EP400: variants seen among roughly 807,000 people sequenced by gnomAD.
EP400 encodes E1A binding protein p400.
A neutral mutation model predicts 354.1 loss-of-function variants in EP400; 105 were observed. The observed-to-expected ratio is 0.30, with a 90% CI of 0.25 to 0.35. EP400 has a LOEUF of 0.35. EP400 is among the 10% of genes least tolerant of loss of function. The pLI, the probability that EP400 is intolerant of heterozygous loss-of-function variation, is 1.00. For missense variants in EP400, 3,280 were observed against 4,121.0 expected (o/e 0.80, Z 5.59); for synonymous variants, 1,646 against 1,716.9 (o/e 0.96, Z 1.02).
At chr12:132,059,058 A>G (rs192099977) in intron 45 of EP400, among the ~76,000 whole-genome samples, 4 of 149,880 alleles carry the variant, frequency 2.7e-5, no homozygotes, top group African/African-American at 7.5e-5. Flanking sequence ...GCTTCAAGGA[A>G]TTGACAAGAA....
chr12:132,062,878 C>G (rs1264148539), intron 47 of EP400, among the ~76,000 whole-genome samples, 177 bp downstream of exon 47: 1 of 152,244 alleles, frequency 6.6e-6, no homozygotes, highest in African/African-American at 2.4e-5. Flanking sequence ...CATGTCATAA[C>G]ACTTTGATCA....
Position 132,005,059 on chromosome 12 carries a change from G to A in EP400, c.2828-18G>A, listed in dbSNP as rs147932321. 0.011 allele frequency: 17,812 copies of A among 1,554,308 alleles called. 128 individuals are homozygous for A. The highest frequency in any genetic ancestry group is 0.013 in the Non-Finnish European group (14,989 of 1,145,242). On this transcript the variant is annotated intron_variant, in intron 12 of 52. Transcript: ENST00000389561. The stretch of plus-strand genomic sequence containing the variant: ...GTTGTTATAAAGTAACAGCCCTTCT[G>A]CCCGCAACCCTCTGCAGCTGAGCTG...
Position 131,979,797 on chromosome 12 carries a change from C to T in EP400, c.1435+4C>T, listed in dbSNP as rs367571983. The T allele has an allele frequency of 2.6e-5, 42 of 1,599,690 alleles. No homozygotes were observed. The highest frequency in any genetic ancestry group is 1.6e-4 in the African/African-American group (12 of 74,264). The stretch of plus-strand genomic sequence containing the variant: ...ATGCCCTCCACAGGTATGGCAGGTA[C>T]GTCGGCACGGCTAGCGTGGCCTCGG... On this transcript the variant is annotated splice_donor_region_variant and intron_variant, in intron 3 of 52. Coordinates refer to ENST00000389561, the MANE Select transcript of EP400 (RefSeq NM_015409.5).
rs773054334 is a variant in EP400, at chr12:131,982,120, C to T, written c.1571C>T (p.Ala524Val). 26 of 1,546,514 alleles carry T rather than the reference C, an allele frequency of 1.7e-5. No individual in the cohort carries two copies. The highest frequency in any genetic ancestry group is 3.9e-5 in the Admixed American group (2 of 50,688). The change falls in exon 5 of 53, where the codon GCG (alanine) becomes GTG (valine). Residue 524 changes from alanine to valine, a missense_variant. Physicochemically the swap from Ala to Val is moderately conservative, Grantham distance 64. Coordinates refer to ENST00000389561, the MANE Select transcript of EP400 (RefSeq NM_015409.5). ...QGGMPPTPQA[A>V]QLAGQRQSQQ... Reference sequence around the variant, plus strand: ...GGAATGCCCCCCACGCCGCAGGCCGCGCAGCTCGCTGGACAGAGGCAGAGT... The same window carrying T: ...GGAATGCCCCCCACGCCGCAGGCCGTGCAGCTCGCTGGACAGAGGCAGAGT...
intron 15 of EP400, among the ~76,000 whole-genome samples, chr12:132,008,518 A>C (rs555782740): frequency 6.6e-6 from 1 of 152,144 alleles, no homozygotes; most frequent in East Asian, 1.9e-4. Flanking sequence ...TTGCCTTGCT[A>C]CTTTATTATT....
rs1486278782 is a variant in EP400 at position 132,050,845 on chromosome 12, C to T, written c.7394+190C>T. On this transcript the variant is annotated intron_variant, in intron 41 of 52. Coordinates refer to ENST00000389561, the MANE Select transcript of EP400 (RefSeq NM_015409.5). The surrounding 1 kb of genome is among the most constrained non-coding windows in gnomAD (Gnocchi z 4.8). Reference sequence around the variant, plus strand: ...TGGGCTAGGGTATGCATAGGACGGCCCCTGCCCTGTCTCTGTGTTACAGGG... The same window carrying T: ...TGGGCTAGGGTATGCATAGGACGGCTCCTGCCCTGTCTCTGTGTTACAGGG... 39 of 648,670 alleles carry T rather than the reference C, an allele frequency of 6.0e-5. No individual in the cohort carries two copies. Among genetic ancestry groups the T allele is most frequent in the Non-Finnish European group, 1.9e-5 (7 of 371,744 alleles). 40.2% of individuals were successfully genotyped at this position (648,670 alleles called of 1,614,324 possible).
intron 15 of EP400, among the ~76,000 whole-genome samples, chr12:132,007,379 G>A (rs1792249936): frequency 6.6e-6 from 1 of 152,254 alleles, no homozygotes; most frequent in African/African-American, 2.4e-5. Flanking sequence ...CTTAGGGAAT[G>A]GGCCTGGGTA....
At position 132,050,541 on chromosome 12, in the gene EP400, A is replaced by G. The variant is rs1895254538; in HGVS notation, c.7338-58A>G. Reference sequence around the variant, plus strand: ...CTTGGTTTTGATGTGTTTTTAACATACCCTTCTTCAGATATTTCCTTTATT... The same window carrying G: ...CTTGGTTTTGATGTGTTTTTAACATGCCCTTCTTCAGATATTTCCTTTATT... On this transcript the variant is annotated intron_variant, in intron 40 of 52. Transcript: ENST00000389561. This position sits in a 1 kb window ranked among gnomAD's most constrained non-coding sequence, Gnocchi z 4.8. 6.2e-7 allele frequency: 1 copy of G among 1,613,044 alleles called. No individual in the cohort carries two copies. The highest frequency in any genetic ancestry group is 1.3e-5 in the African/African-American group (1 of 74,854).
intron 32 of EP400, among the ~76,000 whole-genome samples, chr12:132,039,348 G>A (rs138055957): frequency 7.0e-4 from 106 of 152,264 alleles, no homozygotes; most frequent in East Asian, 3.7e-3. Flanking sequence ...GGCCTCAGAC[G>A]GCTTCCATGG....
intron 2 of EP400, among the ~76,000 whole-genome samples, chr12:131,976,380 CG>C (rs1892473151): frequency 6.6e-6 from 1 of 152,116 alleles, no homozygotes; most frequent in African/African-American, 2.4e-5. Context: ...TCTTCTGAAA[CG>C]TATTTATTTT....
At position 131,962,026 on chromosome 12, in the gene EP400, GTAA is replaced by G. The variant is rs1891902166; in HGVS notation, c.1335+77_1335+79del. The G allele has an allele frequency of 1.3e-5, 19 of 1,464,140 alleles. No homozygotes were observed. The South Asian group carries it at 2.6e-4, about 20-fold the overall frequency. The allele number at this position is 1,464,140 out of a possible 1,614,324, so 90.7% of individuals were successfully genotyped here. A position where few individuals can be genotyped will look rare whatever the true frequency, so the allele number is the denominator to read the frequency against. On this transcript the variant is annotated intron_variant, in intron 2 of 52. Transcript: ENST00000389561. ...CAGAGTCTATGCGACAATGAATTAAGTAATAATTTATTGAGCCTGCGGTATTTC... is the reference window on the plus strand; with the variant it reads ...CAGAGTCTATGCGACAATGAATTAAGTAATTTATTGAGCCTGCGGTATTTC...
At chr12:132,076,455 ATC>A (rs1239148511) in intron 51 of EP400, 59 bp from the exon 52 acceptor site, 8 of 1,548,774 alleles carry the variant, frequency 5.2e-6, no homozygotes, top group East Asian at 2.3e-5. Context: ...GGGAGGAAAA[ATC>A]TCTTTTTGTG....
Position 132,066,955 on chromosome 12 carries a change from C to T in EP400, c.8735C>T (p.Pro2912Leu). The T allele has an allele frequency of 6.3e-7, 1 of 1,598,892 alleles. No individual in the cohort carries two copies. Among genetic ancestry groups the T allele is most frequent in the Non-Finnish European group, 8.5e-7 (1 of 1,172,018 alleles). The change falls in exon 49 of 53, where the codon CCA (proline) becomes CTA (leucine). Residue 2912 changes from proline (P) to leucine (L), a missense_variant. This residue lies in a region of EP400 where 279 missense variants were observed against 386.7 expected (regional missense o/e 0.72). Transcript: ENST00000389561. Reference sequence around the variant, plus strand: ...GGGATCAGCGTGGCGATCGGTCAGCCACAGAAGGCAGCAGGTGCCCGCCCC... The same window carrying T: ...GGGATCAGCGTGGCGATCGGTCAGCTACAGAAGGCAGCAGGTGCCCGCCCC... ...VAGISVAIGQ[P>L]QKAAGQTVVA...
At position 132,052,753 on chromosome 12, in the gene EP400, G is replaced by A. The variant is rs989105831; in HGVS notation, c.7395-393G>A. Among the ~76,000 whole-genome samples, 12 of 152,048 alleles carry A rather than the reference G, an allele frequency of 7.9e-5. No individual in the cohort carries two copies. The highest frequency in any genetic ancestry group is 1.3e-4 in the Non-Finnish European group (9 of 68,006). On this transcript the variant is annotated intron_variant, in intron 41 of 52. Coordinates refer to ENST00000389561, the MANE Select transcript of EP400 (RefSeq NM_015409.5). This position sits in a 1 kb window ranked among gnomAD's most constrained non-coding sequence, Gnocchi z 4.4. ...TGGGCATTCTCGGGGGAGCGAGAGAGGCACAGTCCCGCCCTCCCTTTACCT... is the reference window on the plus strand; with the variant it reads ...TGGGCATTCTCGGGGGAGCGAGAGAAGCACAGTCCCGCCCTCCCTTTACCT...
In EP400 at chr12:132,067,892, C is replaced by G. The variant is rs1481964850; in HGVS notation, c.8874+406C>G. 1.3e-5 allele frequency among the ~76,000 whole-genome samples: 2 copies of G among 152,162 alleles called. No individual in the cohort carries two copies. Among genetic ancestry groups the G allele is most frequent in the Non-Finnish European group, 2.9e-5 (2 of 68,028 alleles). On this transcript the variant is annotated intron_variant, in intron 50 of 52. Transcript: ENST00000389561. This position sits in a 1 kb window ranked among gnomAD's most constrained non-coding sequence, Gnocchi z 5.3. Reference sequence around the variant, plus strand: ...CTGGAGGACAGGGATGCCGTACAGTCTGGACCCCAGACAGGGAATGTGGCC... The same window carrying G: ...CTGGAGGACAGGGATGCCGTACAGTGTGGACCCCAGACAGGGAATGTGGCC...
chr12:131,961,858 A>G lies in EP400; in HGVS notation c.1239A>G (p.Pro413=), dbSNP rs761370089. Residue 413 remains proline, a synonymous_variant, in exon 2 of 53, where the codon CCA becomes CCG. Coordinates refer to ENST00000389561, the MANE Select transcript of EP400 (RefSeq NM_015409.5). ...CTTTCAAGAAGAAACATTATGCCCC[A>G]TTACAAGCATATCTTAGGCAGAATG... ...FLAFKKKHYA[P]LQAYLRQNDL... 4.3e-6 allele frequency: 7 copies of G among 1,614,120 alleles called. No individual in the cohort carries two copies. The South Asian group carries it at 5.5e-5, about 13-fold the overall frequency.
At chr12:132,057,211 A>G (rs1288707431) in intron 45 of EP400, among the ~76,000 whole-genome samples, 3 of 152,236 alleles carry the variant, frequency 2.0e-5, no homozygotes, top group Admixed American at 1.3e-4. Flanking sequence ...CCTCAACACC[A>G]ATGTTTATAG....
chr12:131,972,413 A>T (rs534971596), intron 2 of EP400, among the ~76,000 whole-genome samples: 4 of 152,106 alleles, frequency 2.6e-5, no homozygotes, highest in Admixed American at 2.0e-4. Flanking sequence ...TCGGCCTCCC[A>T]AAGTGCTGGG....
chr12:131,995,732 C>A (rs1236141553), intron 12 of EP400, among the ~76,000 whole-genome samples: 1 of 124,648 alleles, frequency 8.0e-6, no homozygotes, highest in Non-Finnish European at 1.7e-5. Flanking sequence ...TGTGTGAGAA[C>A]TTCATGTGAA....
Sources: gnomAD v4.1 joint callset for allele counts (sites outside exome capture counted in the v4.1 genomes callset) on GRCh38, gnomAD v4.1.1 for gene constraint, gnomAD v4.1.1 regional missense constraint, Gnocchi (gnomAD v3.1) non-coding constraint, MANE v1.5 for transcripts, NCBI Gene and HGNC (gene_info 2026-07-23, HGNC 2026-07-21) for gene names.